REXO1: variants seen among roughly 807,000 people sequenced by gnomAD.
REXO1 encodes RNA exonuclease 1 homolog.
Under a neutral mutation model 102.6 loss-of-function variants are expected in REXO1, and 42 were observed. That is an observed-to-expected ratio of 0.41 (90% CI 0.32 to 0.53). The LOEUF (loss-of-function observed/expected upper bound fraction) is 0.53. Among genes scored for constraint, REXO1 ranks in the 20% least tolerant of loss-of-function variants. REXO1 has a pLI of 0.27. For missense variants in REXO1, 1,819 were observed against 1,732.5 expected (o/e 1.05, Z -0.89); for synonymous variants, 908 against 779.1 (o/e 1.17, Z -2.76).
In REXO1 at chr19:1,828,623, A is replaced by C; in HGVS notation, c.166T>G (p.Tyr56Asp). 3 of 1,599,150 alleles carry C rather than the reference A, an allele frequency of 1.9e-6. No individual in the cohort carries two copies. Among genetic ancestry groups the C allele is most frequent in the Non-Finnish European group, 1.7e-6 (2 of 1,178,752 alleles). ...GGCAGCTCAGGGTTGTAGGGGTCGT[A>C]ACCCAGCCCTGAAGGGAACAGAGAG... ...GEAPPAAGLGYDPYNPELPKP... is the reference protein window; with the variant it reads ...GEAPPAAGLGDDPYNPELPKP... Residue 56 changes from tyrosine to aspartate, a missense_variant, in exon 2 of 16, where the codon TAC becomes GAC. Tyr to Asp is a radical substitution (Grantham distance 160). Coordinates refer to ENST00000170168, the MANE Select transcript of REXO1 (RefSeq NM_020695.4).
intron 1 of REXO1, among the ~76,000 whole-genome samples, chr19:1,846,296 G>A (rs1229570009): frequency 1.3e-5 from 2 of 152,192 alleles, no homozygotes; most frequent in African/African-American, 2.4e-5. Context: ...ACATGTCACG[G>A]AGGCGGAAAC....
At chr19:1,838,496 CTGTAATCCCA>C (rs2011172404) in intron 1 of REXO1, among the ~76,000 whole-genome samples, 1 of 151,594 alleles carries the variant, frequency 6.6e-6, no homozygotes, top group African/African-American at 2.4e-5. Flanking sequence ...TGGCACATGC[CTGTAATCCCA>C]GGTAATCCCA....
Position 1,826,421 on chromosome 19 carries a change from A to G in REXO1, c.1911+457T>C, listed in dbSNP as rs1054722557. Reference sequence around the variant, plus strand: ...GGGGAGGAGAAAGGAGCCGGAGGGGATGAGGAGGAGGCAAGGAGAGGAGAC... The same window carrying G: ...GGGGAGGAGAAAGGAGCCGGAGGGGGTGAGGAGGAGGCAAGGAGAGGAGAC... On this transcript the variant is annotated intron_variant, in intron 2 of 15. Coordinates refer to ENST00000170168, the MANE Select transcript of REXO1 (RefSeq NM_020695.4). This position sits in a 1 kb window ranked among gnomAD's most constrained non-coding sequence, Gnocchi z 4.3. Among the ~76,000 whole-genome samples the G allele has an allele frequency of 6.8e-6, 1 of 146,274 alleles. No homozygotes were observed. Among genetic ancestry groups the G allele is most frequent in the African/African-American group, 2.5e-5 (1 of 39,932 alleles).
chr19:1,819,215 C>T, intron 7 of REXO1, 84 bp from the exon 8 acceptor site: 1 of 1,005,796 alleles, frequency 9.9e-7, no homozygotes, highest in Non-Finnish European at 1.4e-6. Context: ...CCACCCTGCC[C>T]TCCTCAGACC....
At position 1,828,262 on chromosome 19, in the gene REXO1, G is replaced by A. The variant is rs374843740; in HGVS notation, c.527C>T (p.Pro176Leu). ...GGACGCCAGCGAGTACTTGCTGCCC[G>A]GCTCGGCAGGGGCGGCCAGTGGGGT... ...QPTPLAAPAE[P>L]GSKYSLASLD... is the part of the protein sequence containing the mutation. The change falls in exon 2 of 16, where the codon CCG becomes CTG. Residue 176 changes from proline (P) to leucine (L), a missense_variant. Transcript: ENST00000170168. 1.1e-4 allele frequency: 181 copies of A among 1,606,012 alleles called. 1 individual carries two copies. Among genetic ancestry groups the A allele is most frequent in the Admixed American group, 3.6e-4 (21 of 59,120 alleles).
chr19:1,838,899 T>C (rs915840213), intron 1 of REXO1, among the ~76,000 whole-genome samples: 1 of 151,658 alleles, frequency 6.6e-6, no homozygotes, highest in African/African-American at 2.4e-5. Flanking sequence ...GGTGGATCTC[T>C]TGAGCCCAGG....
intron 1 of REXO1, among the ~76,000 whole-genome samples, chr19:1,841,072 A>C (rs538686233): frequency 4.6e-5 from 7 of 152,306 alleles, no homozygotes; most frequent in African/African-American, 1.7e-4. Context: ...ATCGCCCCGA[A>C]ACAGCCAGTG....
chr19:1,838,759 C>A (rs564491137), intron 1 of REXO1, among the ~76,000 whole-genome samples: 26 of 152,178 alleles, frequency 1.7e-4, no homozygotes, highest in African/African-American at 6.0e-4. Context: ...CTATGCCTCT[C>A]CATCCCTGCC....
In REXO1 at chr19:1,827,011, G is replaced by T; in HGVS notation, c.1778C>A (p.Ala593Glu). The T allele has an allele frequency of 1.9e-6, 3 of 1,547,750 alleles. No homozygotes were observed. Among genetic ancestry groups the T allele is most frequent in the Non-Finnish European group, 2.6e-6 (3 of 1,146,486 alleles). The change falls in exon 2 of 16, where the codon GCG becomes GAG. Residue 593 changes from alanine (A) to glutamate (E), a missense_variant. Physicochemically the swap from Ala to Glu is moderately radical, Grantham distance 107 (BLOSUM62 -1). Transcript: ENST00000170168. ...GGCCGAGTAGTCCACATCCGCCCCC[G>T]CGCTGGAGGTGGAGGAGGAGGAGGA... ...SSSSSSSTSSAGADVDYSALE... is the reference protein window; with the variant it reads ...SSSSSSSTSSEGADVDYSALE...
intron 1 of REXO1, among the ~76,000 whole-genome samples, chr19:1,846,229 T>C (rs1054966858): frequency 1.3e-5 from 2 of 152,200 alleles, no homozygotes; most frequent in African/African-American, 4.8e-5. Flanking sequence ...TGTGTAAATC[T>C]GGAGGTGTGG....
intron 3 of REXO1, chr19:1,824,634 C>A (rs1486052409): frequency 1.3e-5 from 2 of 152,120 alleles, no homozygotes; most frequent in Non-Finnish European, 2.9e-5. Flanking sequence ...AGGAGTTCTG[C>A]TAAAATTGAA....
At chr19:1,816,636 GGTGGGTCCCTGGGGA>G in intron 13 of REXO1, 47 bp downstream of exon 13, 2 of 1,582,950 alleles carry the variant, frequency 1.3e-6, no homozygotes, top group Non-Finnish European at 1.7e-6. Flanking sequence ...GGCGGGGGAG[GGTGGGTCCCTGGGGA>G]GAGGCGGCTG....
At chr19:1,834,604 C>T (rs1381558150) in intron 1 of REXO1, among the ~76,000 whole-genome samples, 5 of 152,038 alleles carry the variant, frequency 3.3e-5, no homozygotes, top group Non-Finnish European at 7.4e-5. Context: ...TTGGTAGAGA[C>T]GGGGGTCTCG....
At chr19:1,844,949 C>A (rs2011469783) in intron 1 of REXO1, among the ~76,000 whole-genome samples, 1 of 152,178 alleles carries the variant, frequency 6.6e-6, no homozygotes, top group Non-Finnish European at 1.5e-5. Flanking sequence ...TGGGGCCCAC[C>A]GCACCTCTGG....
chr19:1,824,724 G>A (rs767107048), intron 3 of REXO1, among the ~76,000 whole-genome samples: 2 of 152,188 alleles, frequency 1.3e-5, no homozygotes, highest in Non-Finnish European at 2.9e-5. Flanking sequence ...TACAAAAAGC[G>A]TCACAGATTT....
chr19:1,832,350 G>A (rs947768337), intron 1 of REXO1, among the ~76,000 whole-genome samples: 3 of 152,198 alleles, frequency 2.0e-5, no homozygotes, highest in Non-Finnish European at 4.4e-5. Context: ...TAAGGCCCAC[G>A]GGGACGAATG....
chr19:1,827,103 C>T lies in REXO1; in HGVS notation c.1686G>A (p.Glu562=), dbSNP rs1425905604. Residue 562 remains glutamate, a synonymous_variant, in exon 2 of 16, where the codon GAG becomes GAA. Coordinates refer to ENST00000170168, the MANE Select transcript of REXO1 (RefSeq NM_020695.4). Reference sequence around the variant, plus strand: ...TGAGCCGCTTGGGCGGCCCCTGCGCCTCCGGGAAGCCCAGGCTGGAGTCTG... The same window carrying T: ...TGAGCCGCTTGGGCGGCCCCTGCGCTTCCGGGAAGCCCAGGCTGGAGTCTG... ...SDSDSSLGFP[E]AQGPPKRLKA... The T allele has an allele frequency of 6.5e-7, 1 of 1,541,784 alleles. No individual in the cohort carries two copies. Among genetic ancestry groups the T allele is most frequent in the South Asian group, 1.2e-5 (1 of 83,920 alleles).
Position 1,828,154 on chromosome 19 carries a change from T to TGCC in REXO1, c.632_634dup (p.Arg211dup). ...CTTGCCACTGGGAACGGGGCGGCTG[T>TGCC]GCCGCCGGGGCTGGCTCACAGCCTT... On this transcript the variant is annotated inframe_insertion, in exon 2 of 16. Coordinates refer to ENST00000170168, the MANE Select transcript of REXO1 (RefSeq NM_020695.4). 1 of 1,610,066 alleles carries TGCC rather than the reference T, an allele frequency of 6.2e-7. No individual in the cohort carries two copies. Among genetic ancestry groups the TGCC allele is most frequent in the Non-Finnish European group, 8.5e-7 (1 of 1,179,154 alleles).
Position 1,815,952 on chromosome 19 carries a change from G to A in REXO1, c.*114C>T, listed in dbSNP as rs771100735. On this transcript the variant is annotated 3_prime_UTR_variant, in exon 16 of 16. Transcript: ENST00000170168. This position sits in a 1 kb window ranked among gnomAD's most constrained non-coding sequence, Gnocchi z 4.0. Reference sequence around the variant, plus strand: ...GCCGCCAGCTCATCCCGCTGCTCTGGGCTGCCTCGGCCAGGTGGACGGGTT... The same window carrying A: ...GCCGCCAGCTCATCCCGCTGCTCTGAGCTGCCTCGGCCAGGTGGACGGGTT... The A allele has an allele frequency of 3.3e-6, 5 of 1,535,324 alleles. No homozygotes were observed. In the South Asian group the frequency reaches 4.8e-5, roughly 15 times the overall value.
Sources: allele counts gnomAD v4.1 joint callset (sites outside exome capture counted in the v4.1 genomes callset), GRCh38; gene constraint gnomAD v4.1.1; non-coding constraint Gnocchi (gnomAD v3.1); transcripts MANE v1.5; gene names NCBI Gene and HGNC (gene_info 2026-07-23, HGNC 2026-07-21).